Variants in FLRT2 observed in about 807,000 individuals in gnomAD.
FLRT2 encodes the protein fibronectin leucine rich transmembrane protein 2.
A neutral mutation model predicts 40.0 loss-of-function variants in FLRT2; 15 were observed. The ratio of observed to expected loss-of-function variants is 0.38; its 90% CI spans 0.25 to 0.58. The LOEUF is 0.58. FLRT2 is among the 20% of genes least tolerant of loss of function. FLRT2 has a pLI of 0.71. For synonymous variants in FLRT2, 380 were observed against 336.8 expected (o/e 1.13, Z -1.41); for missense variants, 726 against 840.0 (o/e 0.86, Z 1.68).
rs1893539052 is a variant in FLRT2 at position 85,623,763 on chromosome 14, G to C, written c.*266G>C. On this transcript the variant is annotated 3_prime_UTR_variant, in exon 2 of 2. Transcript: ENST00000330753. ...AAAAAGTTGCTGAAGTACTGTACAGGGTTGTACAATGAGAACCCAATGCCA... is the reference window on the plus strand; with the variant it reads ...AAAAAGTTGCTGAAGTACTGTACAGCGTTGTACAATGAGAACCCAATGCCA... 2 of 332,980 alleles carry C rather than the reference G, an allele frequency of 6.0e-6. No individual in the cohort carries two copies. Among genetic ancestry groups the C allele is most frequent in the East Asian group, 9.9e-5 (2 of 20,122 alleles). The allele number at this position is 332,980 out of a possible 1,614,324, so 20.6% of individuals were successfully genotyped here. A position where few individuals can be genotyped will look rare whatever the true frequency, so the allele number is the denominator to read the frequency against.
chr14:85,609,067 G>T (rs375397770), intron 1 of FLRT2, among the ~76,000 whole-genome samples: 2 of 152,070 alleles, frequency 1.3e-5, no homozygotes, highest in African/African-American at 4.8e-5. Flanking sequence ...TCCCACTGAG[G>T]TTCCGTCCTG....
rs63632260 is a variant in FLRT2, at chr14:85,588,472, T to A, written c.-376-32667T>A. ...CACTAGCTCAGTTTTTTTTTTTTTT[T>A]AATTTTTACTTTTTTTGGGTACATA... On this transcript the variant is annotated intron_variant, in intron 1 of 1. Transcript: ENST00000330753. Among the ~76,000 whole-genome samples the A allele has an allele frequency of 1.1e-4, 16 of 144,770 alleles. No individual in the cohort carries two copies. The East Asian group carries it at 2.5e-3, about 22-fold the overall frequency. 95.0% of individuals were successfully genotyped at this position (144,770 alleles called of 152,430 possible).
chr14:85,540,114 T>A (rs1258419393), intron 1 of FLRT2, among the ~76,000 whole-genome samples: 1 of 152,210 alleles, frequency 6.6e-6, no homozygotes, highest in Non-Finnish European at 1.5e-5. Flanking sequence ...AGGTCGTTTC[T>A]CTTTTTGACT....
At chr14:85,599,890 C>T (rs1053628464) in intron 1 of FLRT2, among the ~76,000 whole-genome samples, 1 of 152,206 alleles carries the variant, frequency 6.6e-6, no homozygotes, top group African/African-American at 2.4e-5. Flanking sequence ...AATAAAAAGG[C>T]TGCATACAGC....
At chr14:85,563,501 A>G (rs978441066) in intron 1 of FLRT2, among the ~76,000 whole-genome samples, 1 of 152,198 alleles carries the variant, frequency 6.6e-6, no homozygotes, top group South Asian at 2.1e-4. Context: ...CAGTTGTGGA[A>G]GAAGGGCGAA....
In FLRT2 at chr14:85,623,269, A is replaced by G; in HGVS notation, c.1755A>G (p.Lys585=). Residue 585 remains lysine, a synonymous_variant, in exon 2 of 2, where the codon AAA becomes AAG. Transcript: ENST00000330753. ...QKWKYNRGRR[K]DDYCEAGTKK... ...GGAAATACAACCGGGGCCGGCGGAA[A>G]GATGATTATTGCGAGGCAGGCACCA... 2 of 1,516,366 alleles carry G rather than the reference A, an allele frequency of 1.3e-6. No homozygotes were observed. The highest frequency in any genetic ancestry group is 1.3e-5 in the South Asian group (1 of 74,914). 93.9% of individuals were successfully genotyped at this position (1,516,366 alleles called of 1,614,324 possible).
chr14:85,565,993 C>A (rs2139852799), intron 1 of FLRT2, among the ~76,000 whole-genome samples: 1 of 152,174 alleles, frequency 6.6e-6, no homozygotes, highest in African/African-American at 2.4e-5. Flanking sequence ...TTGTCAACTG[C>A]CACCCCTCCC....
chr14:85,610,085 T>A (rs1271521495), intron 1 of FLRT2, among the ~76,000 whole-genome samples: 1 of 152,146 alleles, frequency 6.6e-6, no homozygotes, highest in Non-Finnish European at 1.5e-5. Context: ...AAGAGACCCT[T>A]CTAATTAATT....
chr14:85,593,053 C>T (rs1353450030), intron 1 of FLRT2, among the ~76,000 whole-genome samples: 3 of 152,156 alleles, frequency 2.0e-5, no homozygotes, highest in East Asian at 3.9e-4. Flanking sequence ...CTACTGTACA[C>T]TAATCTCAAT....
chr14:85,551,442 C>T (rs890374196), intron 1 of FLRT2, among the ~76,000 whole-genome samples: 5 of 152,214 alleles, frequency 3.3e-5, no homozygotes, highest in African/African-American at 9.6e-5. Flanking sequence ...TTTCTGTTTA[C>T]AGTAGCTCTT....
rs187784314 is a variant in FLRT2 at position 85,544,619 on chromosome 14, A to G, written c.-377+14085A>G. Among the ~76,000 whole-genome samples, 4 of 152,180 alleles carry G rather than the reference A, an allele frequency of 2.6e-5. No individual in the cohort carries two copies. The South Asian group carries it at 8.3e-4, about 32-fold the overall frequency. ...TCACAACGCCTTAATTTGGCTCCACAAAATAGGATCCATCTTTAGTCTTCA... is the reference window on the plus strand; with the variant it reads ...TCACAACGCCTTAATTTGGCTCCACGAAATAGGATCCATCTTTAGTCTTCA... On this transcript the variant is annotated intron_variant, in intron 1 of 1. Coordinates refer to ENST00000330753, the MANE Select transcript of FLRT2 (RefSeq NM_013231.6).
chr14:85,588,228 T>A (rs951042323), intron 1 of FLRT2, among the ~76,000 whole-genome samples: 4 of 152,158 alleles, frequency 2.6e-5, no homozygotes, highest in African/African-American at 9.7e-5. Context: ...TCTCCTCACA[T>A]CTTGTTAAGT....
At chr14:85,591,209 G>T (rs1891870566) in intron 1 of FLRT2, among the ~76,000 whole-genome samples, 1 of 152,178 alleles carries the variant, frequency 6.6e-6, no homozygotes, top group African/African-American at 2.4e-5. Context: ...TTTTGCAGAT[G>T]AATTAGTTCA....
chr14:85,576,182 CT>C (rs1891119235), intron 1 of FLRT2, among the ~76,000 whole-genome samples: 1 of 152,208 alleles, frequency 6.6e-6, no homozygotes, highest in Non-Finnish European at 1.5e-5. Context: ...GAAATTCTGG[CT>C]GACCGTGGCC....
chr14:85,583,962 A>T (rs1011681046), intron 1 of FLRT2, among the ~76,000 whole-genome samples: 2 of 64,794 alleles, frequency 3.1e-5, no homozygotes, highest in African/African-American at 8.3e-5. Context: ...CTGTTTCTTT[A>T]AAAAAAAAAA....
At position 85,626,394 on chromosome 14, in the gene FLRT2, G is replaced by T. The variant is rs1369549775; in HGVS notation, c.*2897G>T. 6.0e-6 allele frequency: 1 copy of T among 167,092 alleles called. No homozygotes were observed. The highest frequency in any genetic ancestry group is 1.5e-5 in the Non-Finnish European group (1 of 68,140). 10.4% of individuals were successfully genotyped at this position (167,092 alleles called of 1,614,324 possible). On this transcript the variant is annotated 3_prime_UTR_variant, in exon 2 of 2. Coordinates refer to ENST00000330753, the MANE Select transcript of FLRT2 (RefSeq NM_013231.6). ...CCAAGACCATGGGAAAAAAAGCCAT[G>T]CTCACTGGCCAATAAAGAGCTTGAT...
At chr14:85,546,605 TG>T (rs1411884852) in intron 1 of FLRT2, among the ~76,000 whole-genome samples, 4 of 152,334 alleles carry the variant, frequency 2.6e-5, no homozygotes, top group Non-Finnish European at 2.9e-5. Flanking sequence ...TTAGCTGAAT[TG>T]GGTAGAACCG....
intron 1 of FLRT2, among the ~76,000 whole-genome samples, chr14:85,608,262 C>G (rs912693990): frequency 6.6e-6 from 1 of 151,492 alleles, no homozygotes; most frequent in Admixed American, 6.6e-5. Flanking sequence ...CAGAGTCTCA[C>G]TCTGTTGCCC....
chr14:85,543,104 T>C (rs546152179), intron 1 of FLRT2, among the ~76,000 whole-genome samples: 2 of 152,202 alleles, frequency 1.3e-5, no homozygotes, highest in Non-Finnish European at 2.9e-5. Context: ...TATTGTAACC[T>C]TCTCATGCCC....
Sources: gnomAD v4.1 joint callset for allele counts (sites outside exome capture counted in the v4.1 genomes callset) on GRCh38, gnomAD v4.1.1 for gene constraint, MANE v1.5 for transcripts, NCBI Gene and HGNC (gene_info 2026-07-23, HGNC 2026-07-21) for gene names.